The following ANKRD55 variants were observed in gnomAD, a reference collection of about 807,000 sequenced individuals.
ANKRD55 encodes the protein ankyrin repeat domain-containing protein 55.
ANKRD55 carries 41 observed loss-of-function variants against 60.6 expected under a neutral mutation model. That is an observed-to-expected ratio of 0.68 (90% CI 0.53 to 0.88). The LOEUF is 0.88. Ranked by LOEUF, ANKRD55 falls within the 40% of genes least tolerant of loss-of-function variation. The pLI is 0.00. For missense variants in ANKRD55, 732 were observed against 767.6 expected (o/e 0.95, Z 0.55); for synonymous variants, 264 against 290.3 (o/e 0.91, Z 0.92).
rs1580992705 is a variant in ANKRD55, at chr5:56,161,963, A to G, written c.423-2070T>C. 4 of 985,172 alleles carry G rather than the reference A, an allele frequency of 4.1e-6. No individual in the cohort carries two copies. The South Asian group carries it at 1.4e-4, about 35-fold the overall frequency. 61.0% of individuals were successfully genotyped at this position (985,172 alleles called of 1,614,324 possible). ...TATATTTCCCTGTGGCTGCTTTGTG[A>G]GTGGGGGCAGGGCTTACCTTGTGAC... On this transcript the variant is annotated intron_variant, in intron 5 of 11. Coordinates refer to ENST00000341048, the MANE Select transcript of ANKRD55 (RefSeq NM_024669.3).
intron 7 of ANKRD55, among the ~76,000 whole-genome samples, chr5:56,142,727 C>T (rs923673667): frequency 6.6e-6 from 1 of 152,216 alleles, no homozygotes; most frequent in Non-Finnish European, 1.5e-5. Flanking sequence ...CAGCCAGAGG[C>T]CAGCCCCAGG....
chr5:56,200,958 A>T (rs969308429), intron 2 of ANKRD55, among the ~76,000 whole-genome samples: 3 of 152,234 alleles, frequency 2.0e-5, no homozygotes, highest in Non-Finnish European at 4.4e-5. Flanking sequence ...TGAAGAACTC[A>T]TTCATCCATT....
At chr5:56,224,063 C>T (rs1760042191) in intron 2 of ANKRD55, among the ~76,000 whole-genome samples, 1 of 152,144 alleles carries the variant, frequency 6.6e-6, no homozygotes, top group South Asian at 2.1e-4. Context: ...CGCACTTATT[C>T]CAAAATTGAC....
rs558201506 is a variant in ANKRD55, at chr5:56,147,715, G to A, written c.484-3786C>T. On this transcript the variant is annotated intron_variant, in intron 6 of 11. Coordinates refer to ENST00000341048, the MANE Select transcript of ANKRD55 (RefSeq NM_024669.3). ...GTCAAGTAAAGGGAAATTTCCTGCC[G>A]CTTTTTTTTCTTTTTCTTTTTTTCA... 2.6e-5 allele frequency among the ~76,000 whole-genome samples: 4 copies of A among 152,114 alleles called. No homozygotes were observed. In the South Asian group the frequency reaches 6.2e-4, roughly 24 times the overall value.
intron 2 of ANKRD55, among the ~76,000 whole-genome samples, chr5:56,218,829 G>A (rs1759888549): frequency 6.6e-6 from 1 of 152,024 alleles, no homozygotes; most frequent in African/African-American, 2.4e-5. Flanking sequence ...GAGAGGGAGG[G>A]AAGGAGTGAG....
chr5:56,133,276 TAAA>T (rs1242456706), intron 7 of ANKRD55, among the ~76,000 whole-genome samples: 2 of 151,704 alleles, frequency 1.3e-5, no homozygotes, highest in Non-Finnish European at 2.9e-5. Flanking sequence ...CCATCTCTAC[TAAA>T]AATACAAAAA....
At chr5:56,179,388 G>C (rs1758809049) in intron 3 of ANKRD55, among the ~76,000 whole-genome samples, 1 of 152,128 alleles carries the variant, frequency 6.6e-6, no homozygotes, top group African/African-American at 2.4e-5. Flanking sequence ...ATATACACCA[G>C]CTTCAGAATA....
intron 5 of ANKRD55, among the ~76,000 whole-genome samples, chr5:56,166,163 TTCCTTCC>T (rs1758472388): frequency 9.5e-6 from 1 of 104,964 alleles, no homozygotes; most frequent in African/African-American, 5.8e-5. Flanking sequence ...TCTTCTTTCC[TTCCTTCC>T]TTCCTTCCTT....
At chr5:56,144,507 T>C (rs965802583) in intron 6 of ANKRD55, among the ~76,000 whole-genome samples, 3 of 147,006 alleles carry the variant, frequency 2.0e-5, no homozygotes, top group Admixed American at 1.4e-4. Flanking sequence ...ATGAATGAGG[T>C]AGGAGGGGAA....
chr5:56,100,413 G>A, intron 11 of ANKRD55, 109 bp from the exon 12 acceptor site: 1 of 1,338,438 alleles, frequency 7.5e-7, no homozygotes. Flanking sequence ...TAAGAAGTGT[G>A]TCTTGGTGAG....
intron 7 of ANKRD55, among the ~76,000 whole-genome samples, chr5:56,132,881 C>A (rs1352253912): frequency 6.6e-6 from 1 of 152,106 alleles, no homozygotes; most frequent in Admixed American, 6.5e-5. Flanking sequence ...TATTATAATT[C>A]TAGACAGTGC....
At chr5:56,233,067 G>A (rs1275555420) in intron 1 of ANKRD55, 121 bp from the exon 2 acceptor site, 4 of 678,566 alleles carry the variant, frequency 5.9e-6, no homozygotes, top group Non-Finnish European at 1.0e-5. Context: ...TTGTTGTCAA[G>A]GCAAGGTGAT....
chr5:56,217,891 G>A (rs1025876747), intron 2 of ANKRD55, among the ~76,000 whole-genome samples: 22 of 144,518 alleles, frequency 1.5e-4, no homozygotes, highest in African/African-American at 4.7e-4. Flanking sequence ...GCGAGACTCC[G>A]TCTCAAAAAA....
rs567852865 is a variant in ANKRD55 at position 56,123,053 on chromosome 5, T to C, written c.797+3869A>G. ...AGTGCTGGGATTACAGGTGTGAGCC[T>C]GGCCCACATTCCTATGAATGGGGTC... On this transcript the variant is annotated intron_variant, in intron 8 of 11. Transcript: ENST00000341048. Among the ~76,000 whole-genome samples the C allele has an allele frequency of 4.6e-5, 7 of 152,174 alleles. No individual in the cohort carries two copies. In the East Asian group the frequency reaches 1.4e-3, roughly 29 times the overall value.
At position 56,210,225 on chromosome 5, in the gene ANKRD55, C is replaced by T. The variant is rs550362274; in HGVS notation, c.58+22631G>A. Among the ~76,000 whole-genome samples, 4 of 152,110 alleles carry T rather than the reference C, an allele frequency of 2.6e-5. No homozygotes were observed. In the East Asian group the frequency reaches 5.8e-4, roughly 22 times the overall value. On this transcript the variant is annotated intron_variant, in intron 2 of 11. Coordinates refer to ENST00000341048, the MANE Select transcript of ANKRD55 (RefSeq NM_024669.3). ...AGAGAAGTATTTTTATGTTTATGTCCATTTTATGAATTATCTGTTGGTATC... is the reference window on the plus strand; with the variant it reads ...AGAGAAGTATTTTTATGTTTATGTCTATTTTATGAATTATCTGTTGGTATC...
chr5:56,149,977 G>C (rs1244267307), intron 6 of ANKRD55, among the ~76,000 whole-genome samples: 1 of 151,940 alleles, frequency 6.6e-6, no homozygotes, highest in African/African-American at 2.4e-5. Flanking sequence ...TAGTAGCTGG[G>C]ACTACAGGTG....
chr5:56,226,346 T>G (rs1373843739), intron 2 of ANKRD55, among the ~76,000 whole-genome samples: 1 of 152,156 alleles, frequency 6.6e-6, no homozygotes, highest in Non-Finnish European at 1.5e-5. Context: ...ATGGATTAAA[T>G]ACTTAAATGT....
chr5:56,102,399 A>G (rs2111652255), intron 11 of ANKRD55, 95 bp downstream of exon 11: 1 of 1,007,874 alleles, frequency 9.9e-7, no homozygotes, highest in Non-Finnish European at 1.5e-6. Context: ...TCAAAAAAAA[A>G]AAAAGAAAAA....
Position 56,183,570 on chromosome 5 carries a change from A to G in ANKRD55, c.123T>C (p.Asn41=). 6.2e-7 allele frequency: 1 copy of G among 1,614,234 alleles called. No homozygotes were observed. The highest frequency in any genetic ancestry group is 8.5e-7 in the Non-Finnish European group (1 of 1,180,026). The change falls in exon 3 of 12, where the codon AAT becomes AAC. Residue 41 remains asparagine, a synonymous_variant. Coordinates refer to ENST00000341048, the MANE Select transcript of ANKRD55 (RefSeq NM_024669.3). The part of the protein sequence containing the change: ...VYQAASNGDV[N]ALTAVIREDP... ...CTTCCCGAATCACTGCAGTCAGAGC[A>G]TTGACATCTCCATTAGAGGCTGCTT... is the stretch of plus-strand genomic sequence containing the variant.
Sources: allele counts gnomAD v4.1 joint callset (sites outside exome capture counted in the v4.1 genomes callset), GRCh38; gene constraint gnomAD v4.1.1; transcripts MANE v1.5; gene names NCBI Gene and HGNC (gene_info 2026-07-23, HGNC 2026-07-21).